TEKT5: variants seen among roughly 807,000 people sequenced by gnomAD.
The protein encoded by TEKT5 is tektin 5.
A neutral mutation model predicts 48.7 loss-of-function variants in TEKT5; 52 were observed. The observed-to-expected ratio is 1.07, with a 90% confidence interval of 0.86 to 1.35. The LOEUF is 1.35. TEKT5 is among the 40% of genes most tolerant of loss of function. The pLI, the probability that TEKT5 is intolerant of heterozygous loss-of-function variation, is 0.00. For synonymous variants in TEKT5, 318 were observed against 267.6 expected (o/e 1.19, Z -1.84); for missense variants, 831 against 641.6 (o/e 1.30, Z -3.19).
chr16:10,664,419 C>T (rs1023700279), intron 5 of TEKT5, among the ~76,000 whole-genome samples: 11 of 152,242 alleles, frequency 7.2e-5, no homozygotes, highest in African/African-American at 2.2e-4. Flanking sequence ...AGCCTGAGAA[C>T]GTGCATTTCT....
At position 10,679,352 on chromosome 16, in the gene TEKT5, G is replaced by C. The variant is rs141469115; in HGVS notation, c.863+2641C>G. Among the ~76,000 whole-genome samples, 1,291 of 151,922 alleles carry C rather than the reference G, an allele frequency of 8.5e-3. 16 individuals carry two copies. The highest frequency in any genetic ancestry group is 0.029 in the African/African-American group (1,209 of 41,388). On this transcript the variant is annotated intron_variant, in intron 4 of 6. Transcript: ENST00000283025. ...TGTGCCTGCAGTCCCAGCTACTCGG[G>C]AGGCTGAGGCAGGAGAATCACTTGA...
chr16:10,645,585 C>T (rs1171387866), intron 5 of TEKT5, among the ~76,000 whole-genome samples: 2 of 152,008 alleles, frequency 1.3e-5, no homozygotes, highest in East Asian at 3.9e-4. Context: ...GGCAGATCAC[C>T]TGAGGAGAGG....
intron 5 of TEKT5, 47 bp downstream of exon 5, chr16:10,675,912 G>T (rs781276310): frequency 1.9e-6 from 3 of 1,587,994 alleles, no homozygotes; most frequent in African/African-American, 2.7e-5. Context: ...CGGGAGAAGG[G>T]TGAGGGCTTG....
In TEKT5 at chr16:10,694,558, C is replaced by A. The variant is rs200592055; in HGVS notation, c.316G>T (p.Glu106Ter). The A allele has an allele frequency of 3.1e-6, 5 of 1,602,296 alleles. No individual in the cohort carries two copies. The African/African-American group carries it at 6.7e-5, about 21-fold the overall frequency. ...CGGCTGGCCCACAGCCGGGAGGCCT[C>A]GGCCCCACGCACCTGCAGCTGGTTG... The part of the protein sequence containing the change: ...QSNQLQVRGA[E>*]ASRLWASRLT... The change falls in exon 1 of 7, where the codon GAG becomes TAG. Residue 106 changes from glutamate (E) to a stop codon, truncating the protein, a stop_gained. Transcript: ENST00000283025. LOFTEE classifies it high-confidence loss of function.
intron 1 of TEKT5, among the ~76,000 whole-genome samples, chr16:10,693,407 T>G (rs530804607): frequency 1.4e-4 from 21 of 152,320 alleles, no homozygotes; most frequent in African/African-American, 4.8e-4. Flanking sequence ...ATTTAGATAT[T>G]TACTCATTTA....
At chr16:10,651,138 A>T (rs1898149519) in intron 5 of TEKT5, among the ~76,000 whole-genome samples, 1 of 152,200 alleles carries the variant, frequency 6.6e-6, no homozygotes, top group African/African-American at 2.4e-5. Flanking sequence ...GTCTTTCTGC[A>T]GGGCAACCCA....
At chr16:10,630,971 G>C (rs1897830283) in intron 6 of TEKT5, among the ~76,000 whole-genome samples, 1 of 151,990 alleles carries the variant, frequency 6.6e-6, no homozygotes, top group Non-Finnish European at 1.5e-5. Context: ...CACTTTGGGA[G>C]GCTGAAGTGG....
chr16:10,652,638 A>C (rs1229243630), intron 5 of TEKT5, among the ~76,000 whole-genome samples: 65 of 53,448 alleles, frequency 1.2e-3, no homozygotes, highest in Non-Finnish European at 1.6e-3. Flanking sequence ...ACACACACAC[A>C]CACCCTCCAG....
At chr16:10,682,202 AGCAGGTGTGTGTTG>A in intron 3 of TEKT5, 66 bp from the exon 4 acceptor site, 1 of 1,564,992 alleles carries the variant, frequency 6.4e-7, no homozygotes, top group East Asian at 2.3e-5. Flanking sequence ...TGGGCCACAC[AGCAGGTGTGTGTTG>A]CAAGCCCTGG....
intron 1 of TEKT5, among the ~76,000 whole-genome samples, chr16:10,693,821 T>G (rs1027025667): frequency 3.3e-5 from 5 of 151,970 alleles, no homozygotes; most frequent in East Asian, 1.9e-4. Context: ...AATACAAAAA[T>G]TAGCTGGCCA....
intron 5 of TEKT5, among the ~76,000 whole-genome samples, chr16:10,642,521 C>A (rs1189394208): frequency 1.3e-5 from 2 of 152,166 alleles, no homozygotes; most frequent in African/African-American, 4.8e-5. Context: ...CTCCCTCCTT[C>A]CTGAGCCACC....
chr16:10,674,829 T>A (rs923613349), intron 5 of TEKT5, among the ~76,000 whole-genome samples: 70 of 151,626 alleles, frequency 4.6e-4, no homozygotes, highest in Non-Finnish European at 7.2e-4. Flanking sequence ...GTTCTTATTT[T>A]TTTTTTTTTT....
chr16:10,660,661 CTGTGTGTGTGTGTGTGTG>C lies in TEKT5; in HGVS notation c.1086+15280_1086+15297del, dbSNP rs4028826. ...GAATGTTACCAGCAGGAGTGCAAGGCTGTGTGTGTGTGTGTGTGTGTGTGTGTGTGTGTGTGTGTGTGT... is the reference window on the plus strand; with the variant it reads ...GAATGTTACCAGCAGGAGTGCAAGGCTGTGTGTGTGTGTGTGTGTGTGTGT... On this transcript the variant is annotated intron_variant, in intron 5 of 6. Transcript: ENST00000283025. Among the ~76,000 whole-genome samples, 261 of 144,400 alleles carry C rather than the reference CTGTGTGTGTGTGTGTGTG, an allele frequency of 1.8e-3. 3 individuals carry two copies. Among genetic ancestry groups the C allele is most frequent in the African/African-American group, 2.0e-3 (77 of 37,562 alleles). The allele number at this position is 144,400 out of a possible 152,430, so 94.7% of individuals were successfully genotyped here.
At chr16:10,645,293 T>G (rs1163075438) in intron 5 of TEKT5, among the ~76,000 whole-genome samples, 1 of 152,142 alleles carries the variant, frequency 6.6e-6, no homozygotes, top group Non-Finnish European at 1.5e-5. Flanking sequence ...GAGGATTGCT[T>G]GAGCCCAGGA....
Position 10,627,716 on chromosome 16 carries a change from A to T in TEKT5, c.1325T>A (p.Leu442Gln), listed in dbSNP as rs1465645222. ...RLRETQDTLQ[L>Q]LVMTKCRLEH... ...CAGCCGGCACTTGGTCATGACCAGC[A>T]GCTGCAGCGTGTCCTGTGTCTCCCG... is the stretch of plus-strand genomic sequence containing the variant. Residue 442 changes from leucine to glutamine, a missense_variant, in exon 7 of 7, where the codon CTG becomes CAG. Coordinates refer to ENST00000283025, the MANE Select transcript of TEKT5 (RefSeq NM_144674.2). 1 of 1,614,184 alleles carries T rather than the reference A, an allele frequency of 6.2e-7. No individual in the cohort carries two copies. The highest frequency in any genetic ancestry group is 2.2e-5 in the East Asian group (1 of 44,882).
chr16:10,673,063 A>G (rs920141931), intron 5 of TEKT5, among the ~76,000 whole-genome samples: 1 of 152,146 alleles, frequency 6.6e-6, no homozygotes, highest in Admixed American at 6.5e-5. Context: ...AAGTTTATAG[A>G]GGATTCATCA....
At chr16:10,636,690 CGTGTGTGTGTGT>C (rs34623422) in intron 5 of TEKT5, among the ~76,000 whole-genome samples, 9 of 145,182 alleles carry the variant, frequency 6.2e-5, no homozygotes, top group African/African-American at 1.3e-4. Flanking sequence ...TACATACATA[CGTGTGTGTGTGT>C]GTGTGTGTGT....
At chr16:10,659,333 G>A (rs1489246681) in intron 5 of TEKT5, among the ~76,000 whole-genome samples, 1 of 152,140 alleles carries the variant, frequency 6.6e-6, no homozygotes, top group Non-Finnish European at 1.5e-5. Flanking sequence ...TTTAAAATTT[G>A]AAGATTAATA....
intron 1 of TEKT5, 134 bp downstream of exon 1, chr16:10,694,176 T>C (rs1899030703): frequency 2.6e-6 from 2 of 768,252 alleles, no homozygotes; most frequent in Non-Finnish European, 4.2e-6. Flanking sequence ...ATTGTATTAC[T>C]GATCGTATTC....
Sources: gnomAD v4.1 joint callset for allele counts (sites outside exome capture counted in the v4.1 genomes callset) on GRCh38, gnomAD v4.1.1 for gene constraint, MANE v1.5 for transcripts, NCBI Gene and HGNC (gene_info 2026-07-23, HGNC 2026-07-21) for gene names.